The following DLG1 variants were observed in gnomAD, a reference collection of about 807,000 sequenced individuals.
The protein encoded by DLG1 is disks large homolog 1.
A neutral mutation model predicts 123.4 loss-of-function variants in DLG1; 42 were observed. The observed-to-expected ratio is 0.34, with a 90% CI of 0.27 to 0.44. The LOEUF is 0.44. Among genes scored for constraint, DLG1 ranks in the 20% least tolerant of loss-of-function variants. The pLI is 1.00. For missense variants in DLG1, 942 were observed against 1,082.6 expected, an observed-to-expected ratio of 0.87 and a Z score of 1.82; for synonymous variants, 317 against 356.2, an observed-to-expected ratio of 0.89 and a Z score of 1.24.
chr3:197,248,527 T>C (rs1417296310), intron 4 of DLG1, among the ~76,000 whole-genome samples: 1 of 152,162 alleles, frequency 6.6e-6, no homozygotes, highest in Non-Finnish European at 1.5e-5. Flanking sequence ...AAAAGACTTC[T>C]CAGCAAGGCA....
intron 22 of DLG1, 118 bp from the exon 23 acceptor site, chr3:197,060,116 TTTTAGTAAAC>T: frequency 1.6e-6 from 1 of 609,766 alleles, no homozygotes. Flanking sequence ...CCTTGTTCAC[TTTTAGTAAAC>T]TTGTCATTTC....
chr3:197,112,026 A>G (rs1005465225), intron 13 of DLG1, among the ~76,000 whole-genome samples: 3 of 152,206 alleles, frequency 2.0e-5, no homozygotes, highest in African/African-American at 4.8e-5. Flanking sequence ...GGGTGATAAG[A>G]TTAGATGTAT....
chr3:197,263,735 C>T (rs932448156), intron 4 of DLG1, among the ~76,000 whole-genome samples: 3 of 151,354 alleles, frequency 2.0e-5, no homozygotes, highest in East Asian at 3.9e-4. Flanking sequence ...TGCAGTGAGC[C>T]GAGATCTCAC....
chr3:197,192,213 T>C (rs1350231512), intron 5 of DLG1, among the ~76,000 whole-genome samples: 2 of 152,058 alleles, frequency 1.3e-5, no homozygotes, highest in Non-Finnish European at 2.9e-5. Flanking sequence ...AGGAATAGTC[T>C]CTAATGTTTA....
At chr3:197,077,184 C>T (rs186066421) in intron 17 of DLG1, among the ~76,000 whole-genome samples, 1 of 151,398 alleles carries the variant, frequency 6.6e-6, no homozygotes, top group Non-Finnish European at 1.5e-5. Context: ...AAAAGTAAAC[C>T]AAAATGATTA....
intron 14 of DLG1, among the ~76,000 whole-genome samples, chr3:197,094,986 A>G (rs1759824171): frequency 6.6e-6 from 1 of 152,148 alleles, no homozygotes; most frequent in African/African-American, 2.4e-5. Flanking sequence ...TAATTTTAGA[A>G]AAGATTTCTT....
chr3:197,260,225 A>T, intron 4 of DLG1: 1 of 419,614 alleles, frequency 2.4e-6, no homozygotes, highest in Middle Eastern at 3.4e-4. Context: ...TCTGTCACTA[A>T]CAATGAAATA....
chr3:197,122,818 T>C (rs1264180694), intron 11 of DLG1, among the ~76,000 whole-genome samples: 1 of 152,084 alleles, frequency 6.6e-6, no homozygotes, highest in Non-Finnish European at 1.5e-5. Context: ...AGAAACTCAA[T>C]TTAATTCTTC....
chr3:197,262,349 C>G (rs1166753330), intron 4 of DLG1, among the ~76,000 whole-genome samples: 2 of 152,330 alleles, frequency 1.3e-5, no homozygotes, highest in East Asian at 3.9e-4. Flanking sequence ...GACTCCAACT[C>G]TACCAGGATA....
chr3:197,154,005 C>A (rs1795173073), intron 5 of DLG1, among the ~76,000 whole-genome samples: 1 of 151,978 alleles, frequency 6.6e-6, no homozygotes, highest in Admixed American at 6.6e-5. Context: ...ATAAACTGTT[C>A]CTTAAAAAAA....
chr3:197,218,213 C>T (rs996498243), intron 4 of DLG1, among the ~76,000 whole-genome samples: 2 of 152,088 alleles, frequency 1.3e-5, no homozygotes, highest in African/African-American at 4.8e-5. Flanking sequence ...CTTACAAAAA[C>T]GATGAAAAGA....
chr3:197,159,908 C>G, intron 5 of DLG1, among the ~76,000 whole-genome samples: 1 of 152,250 alleles, frequency 6.6e-6, no homozygotes, highest in African/African-American at 2.4e-5. Flanking sequence ...TTTGCTGTCT[C>G]AGAGAAATAT....
intron 14 of DLG1, among the ~76,000 whole-genome samples, chr3:197,104,294 TACAGA>T (rs1765133628): frequency 1.3e-5 from 2 of 152,210 alleles, no homozygotes; most frequent in Non-Finnish European, 2.9e-5. Flanking sequence ...TGTCTTCAGT[TACAGA>T]ACAGATTTAA....
chr3:197,138,270 G>C lies in DLG1; in HGVS notation c.835C>G (p.Pro279Ala), dbSNP rs1580119960. 1 of 1,602,098 alleles carries C rather than the reference G, an allele frequency of 6.2e-7. No individual in the cohort carries two copies. The change falls in exon 9 of 25, where the codon CCA (proline) becomes GCA (alanine). Residue 279 changes from proline (P) to alanine (A), a missense_variant. Coordinates refer to ENST00000667157, the MANE Select transcript of DLG1 (RefSeq NM_001366207.1). ...IVRLYVKRRK[P>A]VSEKIMEIKL... ...ATTTCCATTATTTTTTCTGACACTG[G>C]TTTCCTTCTTTTTACATACAAGCGT...
At chr3:197,245,436 T>G (rs1207095894) in intron 4 of DLG1, among the ~76,000 whole-genome samples, 1 of 152,224 alleles carries the variant, frequency 6.6e-6, no homozygotes, top group East Asian at 1.9e-4. Context: ...CGGAGTGGCC[T>G]TAATCTTGGG....
At chr3:197,148,634 T>G (rs531905734) in intron 6 of DLG1, among the ~76,000 whole-genome samples, 1 of 152,062 alleles carries the variant, frequency 6.6e-6, no homozygotes, top group African/African-American at 2.4e-5. Flanking sequence ...TACAAAAGAA[T>G]GAAGTTGGAC....
chr3:197,186,594 T>C (rs932556804), intron 5 of DLG1, among the ~76,000 whole-genome samples: 11 of 143,102 alleles, frequency 7.7e-5, no homozygotes, highest in African/African-American at 2.6e-4. Flanking sequence ...TTATGAAAAA[T>C]TTATGACTAT....
At chr3:197,253,684 TAAG>T (rs910953587) in intron 4 of DLG1, among the ~76,000 whole-genome samples, 23 of 152,026 alleles carry the variant, frequency 1.5e-4, no homozygotes, top group African/African-American at 5.3e-4. Flanking sequence ...TGCTTTGAGT[TAAG>T]AAGGGGATGG....
chr3:197,213,191 CAA>C (rs1732159465), intron 4 of DLG1, among the ~76,000 whole-genome samples: 1 of 152,112 alleles, frequency 6.6e-6, no homozygotes, highest in Non-Finnish European at 1.5e-5. Flanking sequence ...TAGGAATAAA[CAA>C]AGTGTTTTAT....
Sources: gnomAD v4.1 joint callset for allele counts (sites outside exome capture counted in the v4.1 genomes callset) on GRCh38, gnomAD v4.1.1 for gene constraint, MANE v1.5 for transcripts, NCBI Gene and HGNC (gene_info 2026-07-23, HGNC 2026-07-21) for gene names.